Variants in NAT1 observed in about 807,000 individuals in gnomAD.
NAT1 encodes N-acetyltransferase 1.
For synonymous variants in NAT1, 144 were observed against 122.6 expected, an observed-to-expected ratio of 1.17 and a Z score of -1.16; for missense variants, 400 against 339.2, an observed-to-expected ratio of 1.18 and a Z score of -1.41.
intron 2 of NAT1, among the ~76,000 whole-genome samples, chr8:18,190,537 T>A (rs971105703): frequency 5.3e-5 from 8 of 152,224 alleles, no homozygotes; most frequent in African/African-American, 1.9e-4. Context: ...GGACTGACTC[T>A]GAAAACCGAT....
chr8:18,214,199 A>T (rs1804403327), intron 1 of NAT1, among the ~76,000 whole-genome samples: 2 of 152,070 alleles, frequency 1.3e-5, no homozygotes, highest in Non-Finnish European at 2.9e-5. Flanking sequence ...TTTGTTCTGT[A>T]TTGGAAGGAG....
chr8:18,193,497 T>C (rs1013572391), intron 2 of NAT1, among the ~76,000 whole-genome samples: 1 of 131,290 alleles, frequency 7.6e-6, no homozygotes, highest in Non-Finnish European at 1.5e-5. Flanking sequence ...ATCTGATATA[T>C]ATATATATAA....
chr8:18,221,691 C>A, intron 2 of NAT1: 1 of 202,484 alleles, frequency 4.9e-6, no homozygotes. Context: ...ATTCTCCTGC[C>A]TACATCAGAA....
At chr8:18,212,229 CATA>C (rs1200359394) in intron 1 of NAT1, 1 of 152,216 alleles carries the variant, frequency 6.6e-6, no homozygotes, top group Admixed American at 6.5e-5. Context: ...TGCCAAGTCA[CATA>C]GGGATAAATC....
intron 2 of NAT1, among the ~76,000 whole-genome samples, chr8:18,189,798 T>C (rs1310559380): frequency 1.3e-5 from 2 of 152,134 alleles, no homozygotes. Flanking sequence ...GACATTTGAT[T>C]ATTATTTTGT....
At chr8:18,186,657 T>C (rs748962625) in intron 2 of NAT1, among the ~76,000 whole-genome samples, 6 of 152,340 alleles carry the variant, frequency 3.9e-5, no homozygotes, top group Non-Finnish European at 5.9e-5. Flanking sequence ...AACAGTTGAA[T>C]ATCTTTTATT....
At chr8:18,187,667 A>G (rs1802796505) in intron 2 of NAT1, among the ~76,000 whole-genome samples, 1 of 152,068 alleles carries the variant, frequency 6.6e-6, no homozygotes, top group Non-Finnish European at 1.5e-5. Context: ...ACACATGGAC[A>G]CGAAGAAGGG....
At chr8:18,174,815 A>G (rs1802225370) in intron 2 of NAT1, among the ~76,000 whole-genome samples, 1 of 152,070 alleles carries the variant, frequency 6.6e-6, no homozygotes, top group African/African-American at 2.4e-5. Context: ...TTTTACAGAA[A>G]AGGATTGGCT....
At position 18,222,548 on chromosome 8, in the gene NAT1, A is replaced by C. The variant is rs1805441190; in HGVS notation, c.501A>C (p.Glu167Asp). The change falls in exon 3 of 3, where the codon GAA becomes GAC. Residue 167 changes from glutamate to aspartate, a missense_variant. Glu to Asp is a conservative substitution (Grantham distance 45). Transcript: ENST00000307719. Reference sequence around the variant, plus strand: ...GGTATCTAGACCAAATCAGAAGGGAACAGTACATTCCAAATGAAGAATTTC... The same window carrying C: ...GGTATCTAGACCAAATCAGAAGGGACCAGTACATTCCAAATGAAGAATTTC... ...GFWYLDQIRR[E>D]QYIPNEEFLH... 2 of 1,614,054 alleles carry C rather than the reference A, an allele frequency of 1.2e-6. No individual in the cohort carries two copies. Among genetic ancestry groups the C allele is most frequent in the Non-Finnish European group, 1.7e-6 (2 of 1,180,016 alleles).
intron 1 of NAT1, among the ~76,000 whole-genome samples, chr8:18,214,623 A>G (rs1804446689): frequency 6.6e-6 from 1 of 150,686 alleles, no homozygotes; most frequent in Non-Finnish European, 1.5e-5. Context: ...ACTTTCCCAG[A>G]ATTTTCTCTT....
chr8:18,215,576 T>A (rs1260532002), intron 1 of NAT1, among the ~76,000 whole-genome samples: 1 of 152,244 alleles, frequency 6.6e-6, no homozygotes, highest in African/African-American at 2.4e-5. Flanking sequence ...AGCTGTTTTT[T>A]ATTGAGTTTA....
At position 18,192,517 on chromosome 8, in the gene NAT1, G is replaced by A. The variant is rs1459773338; in HGVS notation, n.93-17264G>A. On this transcript the variant is annotated intron_variant and non_coding_transcript_variant, in intron 2 of 4. Transcript: ENST00000517441. ...ATATACCCAATGGACTATAAATCAT[G>A]CTGCTATAAAGACACATGCACACCT... Among the ~76,000 whole-genome samples, 6 of 152,296 alleles carry A rather than the reference G, an allele frequency of 3.9e-5. No homozygotes were observed. In the East Asian group the frequency reaches 9.6e-4, roughly 24 times the overall value.
At chr8:18,199,840 T>TAA (rs1276612501) in intron 2 of NAT1, among the ~76,000 whole-genome samples, 2 of 152,118 alleles carry the variant, frequency 1.3e-5, no homozygotes, top group Admixed American at 1.3e-4. Flanking sequence ...ACAGCCACAT[T>TAA]AAAAGATGGG....
At chr8:18,185,447 T>A (rs539670001) in intron 2 of NAT1, among the ~76,000 whole-genome samples, 4 of 152,168 alleles carry the variant, frequency 2.6e-5, no homozygotes, top group African/African-American at 7.2e-5. Flanking sequence ...ATACTGGTCA[T>A]AATGTGGTGT....
At chr8:18,220,660 A>G (rs1360183787) in intron 2 of NAT1, among the ~76,000 whole-genome samples, 2 of 149,750 alleles carry the variant, frequency 1.3e-5, no homozygotes, top group Non-Finnish European at 3.0e-5. Flanking sequence ...ATCTCTTGGT[A>G]AACTTGGTGA....
chr8:18,188,856 G>A (rs1468339365), intron 2 of NAT1, among the ~76,000 whole-genome samples: 1 of 151,588 alleles, frequency 6.6e-6, no homozygotes, highest in African/African-American at 2.4e-5. Context: ...TTAGCCAGGT[G>A]TGGTGGTGAA....
At chr8:18,176,594 T>TTTG (rs374328815) in intron 2 of NAT1, among the ~76,000 whole-genome samples, 1 of 150,236 alleles carries the variant, frequency 6.7e-6, no homozygotes, top group Non-Finnish European at 1.5e-5. Context: ...CATGCTGTTT[T>TTTG]TTTGTTTTGT....
chr8:18,206,410 A>G (rs1049099020), upstream of NAT1, among the ~76,000 whole-genome samples: 1 of 152,226 alleles, frequency 6.6e-6, no homozygotes, highest in East Asian at 1.9e-4. Context: ...CTAGTCAGCC[A>G]TCTTGCCCCC....
chr8:18,172,690 T>C (rs930599835), intron 2 of NAT1, among the ~76,000 whole-genome samples: 1 of 152,200 alleles, frequency 6.6e-6, no homozygotes, highest in Non-Finnish European at 1.5e-5. Flanking sequence ...TTAATTCTGT[T>C]ATAAAATTAA....
Sources: gnomAD v4.1 joint callset for allele counts (sites outside exome capture counted in the v4.1 genomes callset) on GRCh38, gnomAD v4.1.1 for gene constraint, MANE v1.5 for transcripts, NCBI Gene and HGNC (gene_info 2026-07-23, HGNC 2026-07-21) for gene names.